Variants in ADAMTSL3 observed in about 807,000 individuals in gnomAD.
ADAMTSL3 encodes the protein ADAMTS like 3, also known as ADAMTS-like protein 3.
Under a neutral mutation model 201.7 loss-of-function variants are expected in ADAMTSL3, and 128 were observed. The ratio of observed to expected loss-of-function variants is 0.63; its 90% CI spans 0.55 to 0.73. ADAMTSL3 has a LOEUF of 0.73. Ranked by LOEUF, ADAMTSL3 falls within the 30% of genes least tolerant of loss-of-function variation. ADAMTSL3 has a pLI of 0.00. For synonymous variants in ADAMTSL3, 738 were observed against 748.4 expected (o/e 0.99, Z 0.23); for missense variants, 1,990 against 2,119.6 (o/e 0.94, Z 1.20).
chr15:83,721,665 C>T (rs943114941), intron 3 of ADAMTSL3, among the ~76,000 whole-genome samples: 10 of 152,130 alleles, frequency 6.6e-5, no homozygotes, highest in Non-Finnish European at 1.3e-4. Context: ...TAGATGTTGC[C>T]TTCTTCTGAA....
intron 3 of ADAMTSL3, among the ~76,000 whole-genome samples, chr15:83,738,951 A>AAAAAAT (rs2062410688): frequency 1.3e-5 from 2 of 148,846 alleles, no homozygotes; most frequent in Non-Finnish European, 3.0e-5. Context: ...CCACAAGAAA[A>AAAAAAT]AAAATAAAAT....
chr15:83,964,361 G>A (rs532745147), intron 19 of ADAMTSL3, among the ~76,000 whole-genome samples: 45 of 152,056 alleles, frequency 3.0e-4, no homozygotes, highest in African/African-American at 9.6e-4. Context: ...AAAACAGCAC[G>A]AGAACTTCAT....
chr15:83,960,734 GA>G (rs1308213972), intron 19 of ADAMTSL3, among the ~76,000 whole-genome samples: 3 of 152,160 alleles, frequency 2.0e-5, no homozygotes, highest in African/African-American at 7.2e-5. Flanking sequence ...AATCTGAAAG[GA>G]GATGTGGGTA....
chr15:83,912,016 CAT>C (rs2065943739), intron 15 of ADAMTSL3, among the ~76,000 whole-genome samples: 1 of 152,218 alleles, frequency 6.6e-6, no homozygotes, highest in Admixed American at 6.5e-5. Context: ...ATCTGTTGAA[CAT>C]TATCGAGCCC....
At chr15:83,788,304 G>A (rs1410056702) in intron 4 of ADAMTSL3, among the ~76,000 whole-genome samples, 2 of 152,028 alleles carry the variant, frequency 1.3e-5, no homozygotes. Context: ...AATTCAGGAG[G>A]CATCTTGGAA....
chr15:83,942,791 A>T lies in ADAMTSL3; in HGVS notation c.2310+3A>T. On this transcript the variant is annotated splice_donor_region_variant and intron_variant, in intron 18 of 29. Transcript: ENST00000286744. ...GGCACATTGAAGAATGGCAGCAGGT[A>T]GGGCAGACTGGCCACTCCAGGGCCC... 6.2e-7 allele frequency: 1 copy of T among 1,612,324 alleles called. No homozygotes were observed. Among genetic ancestry groups the T allele is most frequent in the Non-Finnish European group, 8.5e-7 (1 of 1,179,208 alleles).
At chr15:83,675,014 G>A (rs1195814516) in intron 2 of ADAMTSL3, among the ~76,000 whole-genome samples, 3 of 151,682 alleles carry the variant, frequency 2.0e-5, no homozygotes, top group African/African-American at 7.3e-5. Context: ...ATGGTAAATG[G>A]TGGTGGGTTT....
chr15:83,693,999 C>T (rs1047123459), intron 2 of ADAMTSL3, among the ~76,000 whole-genome samples: 2 of 152,146 alleles, frequency 1.3e-5, no homozygotes, highest in East Asian at 3.8e-4. Flanking sequence ...TTTTCTCTGC[C>T]AGAGAGATAA....
At chr15:83,990,315 G>A (rs2067559406) in intron 22 of ADAMTSL3, among the ~76,000 whole-genome samples, 4 of 152,192 alleles carry the variant, frequency 2.6e-5, no homozygotes, top group South Asian at 4.1e-4. Context: ...GCATCCACAT[G>A]TCAGCCTGGC....
intron 2 of ADAMTSL3, among the ~76,000 whole-genome samples, chr15:83,689,448 A>G (rs2061583579): frequency 6.6e-6 from 1 of 152,202 alleles, no homozygotes; most frequent in South Asian, 2.1e-4. Context: ...TAAATAATAT[A>G]TCATTTTTTG....
chr15:83,736,463 T>C (rs929986929), intron 3 of ADAMTSL3, among the ~76,000 whole-genome samples: 6 of 152,166 alleles, frequency 3.9e-5, no homozygotes, highest in African/African-American at 1.4e-4. Context: ...GACAAAGTTG[T>C]ACCAACAAAC....
intron 9 of ADAMTSL3, among the ~76,000 whole-genome samples, chr15:83,876,413 GC>G (rs2065178357): frequency 6.6e-6 from 1 of 150,642 alleles, no homozygotes; most frequent in Non-Finnish European, 1.5e-5. Flanking sequence ...AGCTGCTAGA[GC>G]TGAATTCTTA....
chr15:83,700,083 G>A (rs1403921129), intron 2 of ADAMTSL3, among the ~76,000 whole-genome samples: 19 of 152,230 alleles, frequency 1.2e-4, no homozygotes, highest in Admixed American at 1.1e-3. Flanking sequence ...AACTGTGCCA[G>A]GCATATATTA....
chr15:83,822,930 C>T (rs1004416593), intron 6 of ADAMTSL3, among the ~76,000 whole-genome samples: 22 of 152,104 alleles, frequency 1.4e-4, no homozygotes, highest in African/African-American at 4.8e-4. Flanking sequence ...AAGCAGACTC[C>T]GTCTGCAATC....
chr15:83,984,569 A>G (rs1008111756), intron 21 of ADAMTSL3, among the ~76,000 whole-genome samples: 12 of 152,200 alleles, frequency 7.9e-5, no homozygotes, highest in African/African-American at 2.7e-4. Flanking sequence ...TGAGGAGCCT[A>G]AAGAGCTTTT....
chr15:83,674,847 G>A (rs1361029588), intron 2 of ADAMTSL3, among the ~76,000 whole-genome samples: 1 of 147,994 alleles, frequency 6.8e-6, no homozygotes, highest in Non-Finnish European at 1.5e-5. Flanking sequence ...TTTTGGGGGA[G>A]GATAAACATT....
chr15:83,985,383 A>AAT (rs139684696), intron 21 of ADAMTSL3, among the ~76,000 whole-genome samples: 56 of 150,462 alleles, frequency 3.7e-4, no homozygotes, highest in South Asian at 8.4e-4. Context: ...TCATTTAAAA[A>AAT]ATATATATAT....
intron 13 of ADAMTSL3, among the ~76,000 whole-genome samples, chr15:83,897,041 C>T (rs1213732517): frequency 6.6e-6 from 1 of 152,148 alleles, no homozygotes; most frequent in Non-Finnish European, 1.5e-5. Context: ...CACCCTCTAC[C>T]AGGTCCCTCC....
intron 6 of ADAMTSL3, among the ~76,000 whole-genome samples, chr15:83,837,266 A>G (rs1160683319): frequency 1.3e-5 from 2 of 152,046 alleles, no homozygotes; most frequent in African/African-American, 4.8e-5. Flanking sequence ...ATATAAAGAT[A>G]TAGATAAAGA....
Sources: gnomAD v4.1 joint callset for allele counts (sites outside exome capture counted in the v4.1 genomes callset) on GRCh38, gnomAD v4.1.1 for gene constraint, MANE v1.5 for transcripts, NCBI Gene and HGNC (gene_info 2026-07-23, HGNC 2026-07-21) for gene names.